The following DLG2 variants were observed in gnomAD, a reference collection of about 807,000 sequenced individuals.
DLG2 encodes disks large homolog 2.
Under a neutral mutation model 132.5 loss-of-function variants are expected in DLG2, and 45 were observed. The ratio of observed to expected loss-of-function variants is 0.34; its 90% CI spans 0.27 to 0.44. The LOEUF is 0.44. DLG2 is among the 20% of genes least tolerant of loss of function. The probability of loss-of-function intolerance (pLI) is 1.00; values close to 1 mark genes in which losing one functional copy is unlikely to be tolerated. For synonymous variants in DLG2, 424 were observed against 419.6 expected (o/e 1.01, Z -0.13); for missense variants, 1,045 against 1,196.9 (o/e 0.87, Z 1.87).
chr11:84,367,315 G>A (rs1307899660), intron 7 of DLG2, among the ~76,000 whole-genome samples: 2 of 152,030 alleles, frequency 1.3e-5, no homozygotes, highest in Non-Finnish European at 2.9e-5. Flanking sequence ...ACTCAATTCT[G>A]CCACTGTAGC....
intron 6 of DLG2, among the ~76,000 whole-genome samples, chr11:84,754,011 T>A (rs907559652): frequency 6.6e-6 from 1 of 152,134 alleles, no homozygotes; most frequent in Non-Finnish European, 1.5e-5. Flanking sequence ...TGAAGCTGCT[T>A]CAGTGGAACA....
chr11:84,141,823 C>T (rs772535300), intron 9 of DLG2, among the ~76,000 whole-genome samples: 1 of 151,730 alleles, frequency 6.6e-6, no homozygotes, highest in Non-Finnish European at 1.5e-5. Context: ...TTTTTTTAAT[C>T]AATAGAATGT....
chr11:84,984,089 G>A (rs1446081943), intron 6 of DLG2, among the ~76,000 whole-genome samples: 1 of 152,138 alleles, frequency 6.6e-6, no homozygotes, highest in Non-Finnish European at 1.5e-5. Flanking sequence ...TATATTTGGG[G>A]GAATAATTAA....
intron 18 of DLG2, among the ~76,000 whole-genome samples, chr11:83,718,562 A>AAAAG: frequency 6.6e-6 from 1 of 151,862 alleles, no homozygotes; most frequent in African/African-American, 2.4e-5. Flanking sequence ...GAAAGAAAAA[A>AAAAG]AGAAATATCC....
At chr11:83,749,109 T>C (rs2153732440) in intron 18 of DLG2, among the ~76,000 whole-genome samples, 1 of 152,228 alleles carries the variant, frequency 6.6e-6, no homozygotes, top group South Asian at 2.1e-4. Flanking sequence ...TCATAGGCAA[T>C]AGGTCCTTCT....
intron 3 of DLG2, among the ~76,000 whole-genome samples, chr11:85,574,250 G>T (rs1261579644): frequency 6.6e-6 from 1 of 151,616 alleles, no homozygotes; most frequent in African/African-American, 2.4e-5. Flanking sequence ...CTGATACTCT[G>T]CCTTTTCTCC....
chr11:85,591,799 A>G (rs2153232259), intron 3 of DLG2, among the ~76,000 whole-genome samples: 1 of 152,306 alleles, frequency 6.6e-6, no homozygotes, highest in Middle Eastern at 3.4e-3. Context: ...CCTCTCATTC[A>G]TAGCCAACTC....
rs1034896408 is a variant in DLG2 at position 85,485,312 on chromosome 11, C to G, written c.40+113345G>C. Among the ~76,000 whole-genome samples, 9 of 152,130 alleles carry G rather than the reference C, an allele frequency of 5.9e-5. No homozygotes were observed. In the East Asian group the frequency reaches 1.5e-3, roughly 26 times the overall value. On this transcript the variant is annotated intron_variant, in intron 3 of 27. Coordinates refer to ENST00000376104, the MANE Select transcript of DLG2 (RefSeq NM_001142699.3). Reference sequence around the variant, plus strand: ...GCACATGTATACATATGTAACTAACCTGCACATTGTGCACATGTACCCTAA... The same window carrying G: ...GCACATGTATACATATGTAACTAACGTGCACATTGTGCACATGTACCCTAA...
At chr11:83,862,393 A>G (rs2061591632) in intron 16 of DLG2, among the ~76,000 whole-genome samples, 1 of 152,170 alleles carries the variant, frequency 6.6e-6, no homozygotes, top group Non-Finnish European at 1.5e-5. Flanking sequence ...TAAAAATAGT[A>G]AAACAACTGA....
intron 7 of DLG2, among the ~76,000 whole-genome samples, chr11:84,275,750 C>A (rs2097777790): frequency 1.3e-5 from 2 of 151,980 alleles, no homozygotes; most frequent in African/African-American, 4.8e-5. Context: ...TAAATCAGCA[C>A]AAATAACAAA....
intron 3 of DLG2, among the ~76,000 whole-genome samples, chr11:85,447,011 C>T (rs2092040646): frequency 6.6e-6 from 1 of 152,048 alleles, no homozygotes; most frequent in Admixed American, 6.6e-5. Context: ...ACACAGTGTG[C>T]ATTGGTCATA....
At chr11:84,539,846 T>C (rs934380927) in intron 6 of DLG2, among the ~76,000 whole-genome samples, 4 of 152,142 alleles carry the variant, frequency 2.6e-5, no homozygotes, top group Admixed American at 1.3e-4. Context: ...ATGGTAGGTA[T>C]AGACCAATGG....
chr11:83,574,040 C>T lies in DLG2; in HGVS notation c.1941-32182G>A, dbSNP rs141125860. Among the ~76,000 whole-genome samples the T allele has an allele frequency of 1.1e-4, 16 of 152,226 alleles. No homozygotes were observed. The East Asian group carries it at 2.9e-3, about 28-fold the overall frequency. ...GATTAAATGGGGTAATATATAAAAG[C>T]ATTTTTCAGAGCCTGGCACATAATA... On this transcript the variant is annotated intron_variant, in intron 19 of 27. Transcript: ENST00000376104.
At position 84,255,094 on chromosome 11, in the gene DLG2, A is replaced by G. The variant is rs545561799; in HGVS notation, c.520-3803T>C. 5.8e-4 allele frequency among the ~76,000 whole-genome samples: 89 copies of G among 152,178 alleles called. 1 individual carries two copies. Among genetic ancestry groups the G allele is most frequent in the Non-Finnish European group, 1.1e-3 (77 of 68,006 alleles). ...CCCCAGACTACACAGAGCATAGATG[A>G]ATTCTGAGCATGGCCTATGAGTGTG... On this transcript the variant is annotated intron_variant, in intron 7 of 27. Coordinates refer to ENST00000376104, the MANE Select transcript of DLG2 (RefSeq NM_001142699.3).
rs182713059 is a variant in DLG2 at position 83,494,074 on chromosome 11, C to T, written c.2194-9846G>A. ...GTTTTATGAACTAAAGAGACCTGAT[C>T]TTGCCTCATTAGAGTCTGCCTACTG... is the stretch of plus-strand genomic sequence containing the variant. On this transcript the variant is annotated intron_variant, in intron 21 of 27. Coordinates refer to ENST00000376104, the MANE Select transcript of DLG2 (RefSeq NM_001142699.3). Among the ~76,000 whole-genome samples, 113 of 152,156 alleles carry T rather than the reference C, an allele frequency of 7.4e-4. 4 individuals carry two copies. In the East Asian group the frequency reaches 0.017, roughly 23 times the overall value.
chr11:83,483,139 C>T, intron 22 of DLG2: 1 of 824,334 alleles, frequency 1.2e-6, no homozygotes, highest in South Asian at 1.5e-5. Context: ...ACAAATAAAA[C>T]TCGTATCTTG....
Position 83,601,510 on chromosome 11 carries a change from C to CTTTTTTTTTTTTTT in DLG2, c.1940+31687_1940+31700dup, listed in dbSNP as rs71066054. Among the ~76,000 whole-genome samples, 14 of 94,558 alleles carry CTTTTTTTTTTTTTT rather than the reference C, an allele frequency of 1.5e-4. 1 individual carries two copies. The highest frequency in any genetic ancestry group is 2.3e-4 in the Non-Finnish European group (12 of 53,224). The allele number at this position is 94,558 out of a possible 152,430, so 62.0% of individuals were successfully genotyped here. A position where few individuals can be genotyped will look rare whatever the true frequency, so the allele number is the denominator to read the frequency against. On this transcript the variant is annotated intron_variant, in intron 19 of 27. Coordinates refer to ENST00000376104, the MANE Select transcript of DLG2 (RefSeq NM_001142699.3). ...CAGCTGCAAAGTAATATGTGATGTTCTTTTTTTTTTTTTTTTTTTTTGACA... is the reference window on the plus strand; with the variant it reads ...CAGCTGCAAAGTAATATGTGATGTTCTTTTTTTTTTTTTTTTTTTTTTTTTTTTTTTTTTTGACA...
chr11:83,898,768 T>G (rs2072532856), intron 15 of DLG2, among the ~76,000 whole-genome samples: 1 of 152,202 alleles, frequency 6.6e-6, no homozygotes, highest in Non-Finnish European at 1.5e-5. Flanking sequence ...CTTGTCTTTC[T>G]CAGATGTTAA....
rs2045193012 is a variant in DLG2, at chr11:83,803,896, A to T, written c.1723-17104T>A. 3.9e-5 allele frequency among the ~76,000 whole-genome samples: 6 copies of T among 152,066 alleles called. No homozygotes were observed. The South Asian group carries it at 1.0e-3, about 26-fold the overall frequency. ...CTTGGTCAAAATCTGTTAATGCAAA[A>T]CTCAAACTCTGGCTGCTGCATGTGG... On this transcript the variant is annotated intron_variant, in intron 17 of 27. Transcript: ENST00000376104.
Sources: allele counts gnomAD v4.1 joint callset (sites outside exome capture counted in the v4.1 genomes callset), GRCh38; gene constraint gnomAD v4.1.1; transcripts MANE v1.5; gene names NCBI Gene and HGNC (gene_info 2026-07-23, HGNC 2026-07-21).